Variants in RAD50 observed in about 807,000 individuals in gnomAD.
The protein encoded by RAD50 is RAD50 double strand break repair protein, also known as DNA repair protein RAD50.
A neutral mutation model predicts 168.8 loss-of-function variants in RAD50; 132 were observed. The observed-to-expected ratio is 0.78, with a 90% CI of 0.68 to 0.90. RAD50 has a LOEUF of 0.90. RAD50 is among the 40% of genes least tolerant of loss of function. RAD50 has a pLI of 0.00. For missense variants in RAD50, 1,347 were observed against 1,534.4 expected, an observed-to-expected ratio of 0.88 and a Z score of 2.04; for synonymous variants, 525 against 497.4, an observed-to-expected ratio of 1.06 and a Z score of -0.74.
At chr5:132,638,622 A>G (rs1048337553) in intron 23 of RAD50, among the ~76,000 whole-genome samples, 1 of 152,228 alleles carries the variant, frequency 6.6e-6, no homozygotes, top group Non-Finnish European at 1.5e-5. Flanking sequence ...AATCAATGAC[A>G]TAATAGTATT....
At chr5:132,606,443 C>T (rs1237679616) in intron 16 of RAD50, among the ~76,000 whole-genome samples, 2 of 152,162 alleles carry the variant, frequency 1.3e-5, no homozygotes, top group Non-Finnish European at 2.9e-5. Flanking sequence ...CCCAAATGGA[C>T]CAACAACAAG....
intron 21 of RAD50, among the ~76,000 whole-genome samples, chr5:132,619,819 T>TCTCTCTCTCTCTCTACTC (rs1561651579): frequency 3.3e-4 from 38 of 116,362 alleles, no homozygotes; most frequent in African/African-American, 1.6e-3. Flanking sequence ...TCTACTCCTC[T>TCTCTCTCTCTCTCTACTC]CTCTCTCTCT....
chr5:132,638,102 G>A lies in RAD50; in HGVS notation c.3497G>A (p.Arg1166Gln), dbSNP rs763145238. The change falls in exon 23 of 25, where the codon CGG becomes CAG. Residue 1166 changes from arginine to glutamine, a missense_variant. Coordinates refer to ENST00000378823, the MANE Select transcript of RAD50 (RefSeq NM_005732.4). ...TCAGATATTGAATACATAGAAATAC[G>A]GTCTGATGCCGATGAAAATGTATCA... is the stretch of plus-strand genomic sequence containing the variant. ...RGQDIEYIEI[R>Q]SDADENVSAS... The A allele has an allele frequency of 2.5e-6, 4 of 1,613,894 alleles. No individual in the cohort carries two copies. The highest frequency in any genetic ancestry group is 2.2e-5 in the South Asian group (2 of 91,076).
Position 132,587,940 on chromosome 5 carries a change from A to G in RAD50, c.902A>G (p.Asp301Gly). ...GTTACACAGGTTTTTCAAGGGACTG[A>G]TGAGCAACTAAATGACTTATATCAC... Reference protein sequence around the residue: ...EKMEKVFQGTDEQLNDLYHNH... With the variant: ...EKMEKVFQGTGEQLNDLYHNH... The change falls in exon 7 of 25, where the codon GAT (aspartate) becomes GGT (glycine). Residue 301 changes from aspartate to glycine, a missense_variant. By Grantham distance (94) the Asp-to-Gly change is moderately conservative. Coordinates refer to ENST00000378823, the MANE Select transcript of RAD50 (RefSeq NM_005732.4). 1.9e-6 allele frequency: 3 copies of G among 1,613,236 alleles called. No homozygotes were observed. The highest frequency in any genetic ancestry group is 2.5e-6 in the Non-Finnish European group (3 of 1,179,396).
chr5:132,565,948 A>C (rs1750201072), intron 2 of RAD50, among the ~76,000 whole-genome samples: 1 of 151,060 alleles, frequency 6.6e-6, no homozygotes, highest in Non-Finnish European at 1.5e-5. Flanking sequence ...CATTTATTCC[A>C]CTCTAGGCTG....
At chr5:132,560,825 A>C (rs953182969) in intron 2 of RAD50, among the ~76,000 whole-genome samples, 3 of 147,832 alleles carry the variant, frequency 2.0e-5, no homozygotes, top group Non-Finnish European at 4.5e-5. Context: ...CAAACAAAAA[A>C]CTCTCCCTTT....
At chr5:132,590,634 C>A (rs1750682146) in intron 9 of RAD50, among the ~76,000 whole-genome samples, 1 of 152,160 alleles carries the variant, frequency 6.6e-6, no homozygotes. Context: ...TTCTTTCTTG[C>A]TTCTAGTCTG....
chr5:132,565,373 A>C (rs1296656943), intron 2 of RAD50, among the ~76,000 whole-genome samples: 4 of 152,098 alleles, frequency 2.6e-5, no homozygotes, highest in African/African-American at 9.7e-5. Flanking sequence ...TCCTGTATGT[A>C]ATCAATGTCT....
At chr5:132,621,651 T>C (rs1751288226) in intron 21 of RAD50, among the ~76,000 whole-genome samples, 2 of 152,248 alleles carry the variant, frequency 1.3e-5, no homozygotes, top group Admixed American at 1.3e-4. Flanking sequence ...GAGTTCTAGA[T>C]TGACAGTTTT....
chr5:132,595,949 A>G, intron 13 of RAD50, 139 bp downstream of exon 13: 1 of 778,502 alleles, frequency 1.3e-6, no homozygotes, highest in Admixed American at 2.1e-5. Flanking sequence ...TATGATAAGA[A>G]GATTCAATTA....
chr5:132,598,180 T>C (rs1056357985), intron 13 of RAD50, among the ~76,000 whole-genome samples: 1 of 152,020 alleles, frequency 6.6e-6, no homozygotes, highest in Non-Finnish European at 1.5e-5. Flanking sequence ...CCCAAGTAGC[T>C]GGGATTACAG....
chr5:132,578,104 C>T (rs766097923), intron 3 of RAD50, among the ~76,000 whole-genome samples: 1 of 152,148 alleles, frequency 6.6e-6, no homozygotes, highest in Admixed American at 6.5e-5. Context: ...TGAGCCACCG[C>T]GCCCAGCCCC....
At chr5:132,582,752 T>G (rs2252775) in intron 5 of RAD50, among the ~76,000 whole-genome samples, 27,569 of 152,008 alleles carry the variant, frequency 0.18, 2,700 homozygotes, top group South Asian at 0.23. Context: ...ATTTTTTTTA[T>G]CTCATTTCAC....
At chr5:132,608,522 C>T in intron 16 of RAD50, 93 bp from the exon 17 acceptor site, 1 of 1,110,720 alleles carries the variant, frequency 9.0e-7, no homozygotes, top group Non-Finnish European at 1.3e-6. Flanking sequence ...GAGCCTGGCA[C>T]ATAGAAAGTG....
intron 21 of RAD50, among the ~76,000 whole-genome samples, chr5:132,629,585 G>T (rs990504609): frequency 3.9e-5 from 6 of 152,178 alleles, no homozygotes; most frequent in Non-Finnish European, 7.4e-5. Flanking sequence ...CCCCAAAATT[G>T]AGTCTTTGTG....
In RAD50 at chr5:132,557,336, C is replaced by A. The variant is rs781295348; in HGVS notation, c.12C>A (p.Ile4=). Residue 4 remains isoleucine (I), a synonymous_variant, in exon 1 of 25, where the codon ATC becomes ATA. Coordinates refer to ENST00000378823, the MANE Select transcript of RAD50 (RefSeq NM_005732.4). MSR[I]EKMSILGVRS... is the part of the protein sequence containing the mutation. ...AAACGTTTGCAAACATGTCCCGGAT[C>A]GAAAAGATGAGCATTCTGGGCGTGC... is the stretch of plus-strand genomic sequence containing the variant. The A allele has an allele frequency of 6.8e-6, 11 of 1,614,096 alleles. No homozygotes were observed. Among genetic ancestry groups the A allele is most frequent in the Non-Finnish European group, 9.3e-6 (11 of 1,179,948 alleles).
At chr5:132,622,705 G>A (rs1317626993) in intron 21 of RAD50, among the ~76,000 whole-genome samples, 2 of 152,122 alleles carry the variant, frequency 1.3e-5, no homozygotes, top group Non-Finnish European at 2.9e-5. Context: ...ATTTTGAGGA[G>A]TCTGCTTCTG....
At position 132,603,426 on chromosome 5, in the gene RAD50, A is replaced by G. The variant is rs758393824; in HGVS notation, c.2334A>G (p.Ile778Met). The stretch of plus-strand genomic sequence containing the variant: ...AACAAGAAACACTCTTGGGTACAAT[A>G]ATGCCTGAAGAAGAAAGTGCCAAAG... ...IEEQETLLGT[I>M]MPEEESAKVC... The change falls in exon 14 of 25, where the codon ATA becomes ATG. Residue 778 changes from isoleucine to methionine, a missense_variant. By Grantham distance (10) the Ile-to-Met change is conservative. Coordinates refer to ENST00000378823, the MANE Select transcript of RAD50 (RefSeq NM_005732.4). The G allele has an allele frequency of 6.2e-7, 1 of 1,614,020 alleles. No individual in the cohort carries two copies. The highest frequency in any genetic ancestry group is 8.5e-7 in the Non-Finnish European group (1 of 1,179,932).
intron 21 of RAD50, among the ~76,000 whole-genome samples, chr5:132,625,172 C>T (rs918358531): frequency 1.5e-3 from 219 of 150,196 alleles, no homozygotes; most frequent in African/African-American, 5.3e-3. Context: ...CTGCAAGCTC[C>T]GCCTCCCGGG....
Sources: allele counts gnomAD v4.1 joint callset (sites outside exome capture counted in the v4.1 genomes callset), GRCh38; gene constraint gnomAD v4.1.1; transcripts MANE v1.5; gene names NCBI Gene and HGNC (gene_info 2026-07-23, HGNC 2026-07-21).